Variants in PCDH9 observed in about 807,000 individuals in gnomAD.
The protein encoded by PCDH9 is protocadherin-9.
Under a neutral mutation model 70.6 loss-of-function variants are expected in PCDH9, and 24 were observed. The ratio of observed to expected loss-of-function variants is 0.34; its 90% CI spans 0.25 to 0.48. The LOEUF (loss-of-function observed/expected upper bound fraction) is 0.48, where lower values mean the gene tolerates loss of function less well. Among genes scored for constraint, PCDH9 ranks in the 20% least tolerant of loss-of-function variants. PCDH9 has a pLI of 0.99. For synonymous variants in PCDH9, 562 were observed against 558.5 expected (o/e 1.01, Z -0.09); for missense variants, 1,281 against 1,503.6 (o/e 0.85, Z 2.45).
chr13:66,992,131 T>G (rs1273707283), intron 2 of PCDH9, among the ~76,000 whole-genome samples: 1 of 152,170 alleles, frequency 6.6e-6, no homozygotes, highest in African/African-American at 2.4e-5. Flanking sequence ...GTTTTATGAC[T>G]GGTGACCTAG....
chr13:66,511,430 A>G (rs76029494), intron 4 of PCDH9, among the ~76,000 whole-genome samples: 1,642 of 152,148 alleles, frequency 0.011, 39 homozygotes, highest in East Asian at 0.091. Flanking sequence ...ACCTCATGGG[A>G]TTGTTCAATG....
At position 66,610,502 on chromosome 13, in the gene PCDH9, T is replaced by C. The variant is rs143512169; in HGVS notation, c.3340+20708A>G. Among the ~76,000 whole-genome samples the C allele has an allele frequency of 4.4e-3, 673 of 152,284 alleles. 3 individuals are homozygous for C. Among genetic ancestry groups the C allele is most frequent in the African/African-American group, 0.015 (609 of 41,558 alleles). On this transcript the variant is annotated intron_variant, in intron 4 of 4. Transcript: ENST00000377865. ...AGCAAGATATAAAATTGATAGAATA[T>C]AGGCCAATTTCTCTTTCCTCTTTAT...
At chr13:67,171,746 G>T (rs890776084) in intron 2 of PCDH9, among the ~76,000 whole-genome samples, 1 of 152,140 alleles carries the variant, frequency 6.6e-6, no homozygotes, top group African/African-American at 2.4e-5. Context: ...TGAGGCGATT[G>T]AACCTGAGTT....
chr13:67,015,253 C>T (rs924041526), intron 2 of PCDH9, among the ~76,000 whole-genome samples: 1 of 152,110 alleles, frequency 6.6e-6, no homozygotes, highest in African/African-American at 2.4e-5. Context: ...GACAGGCTCA[C>T]TGGCTTCTGT....
chr13:66,986,332 T>G (rs192533926), intron 2 of PCDH9, among the ~76,000 whole-genome samples: 1 of 151,976 alleles, frequency 6.6e-6, no homozygotes, highest in Admixed American at 6.6e-5. Context: ...AAGATGAGAT[T>G]TGGGTGGGGA....
chr13:66,751,676 T>C (rs1045644431), intron 3 of PCDH9, among the ~76,000 whole-genome samples: 1 of 152,224 alleles, frequency 6.6e-6, no homozygotes. Flanking sequence ...GTCCCAGCAC[T>C]AATAAGGTAG....
At chr13:66,607,040 A>T (rs2077230227) in intron 4 of PCDH9, among the ~76,000 whole-genome samples, 1 of 152,102 alleles carries the variant, frequency 6.6e-6, no homozygotes. Flanking sequence ...TCCAAAATTG[A>T]CTGGCTTTCA....
intron 2 of PCDH9, among the ~76,000 whole-genome samples, chr13:66,946,115 A>G (rs1271077775): frequency 6.6e-6 from 1 of 152,066 alleles, no homozygotes; most frequent in Non-Finnish European, 1.5e-5. Flanking sequence ...TATTGACTAT[A>G]TATATTTCTT....
chr13:66,427,898 A>G (rs573849260), intron 4 of PCDH9, among the ~76,000 whole-genome samples: 18 of 151,906 alleles, frequency 1.2e-4, no homozygotes, highest in African/African-American at 4.3e-4. Flanking sequence ...AATTAATGGA[A>G]CTAAATAAAA....
At chr13:67,057,364 C>T (rs1183287744) in intron 2 of PCDH9, among the ~76,000 whole-genome samples, 1 of 151,656 alleles carries the variant, frequency 6.6e-6, no homozygotes, top group Admixed American at 6.6e-5. Flanking sequence ...AGAAGCATGA[C>T]CTTTAGTCTC....
intron 4 of PCDH9, among the ~76,000 whole-genome samples, chr13:66,406,112 T>C (rs907786863): frequency 2.0e-5 from 3 of 152,288 alleles, no homozygotes; most frequent in East Asian, 1.9e-4. Flanking sequence ...AGGTACAATT[T>C]GTTTCTCTCT....
At chr13:66,573,105 C>A (rs1366650830) in intron 4 of PCDH9, among the ~76,000 whole-genome samples, 1 of 152,032 alleles carries the variant, frequency 6.6e-6, no homozygotes, top group East Asian at 1.9e-4. Context: ...TACTCTTTAT[C>A]TTTTTGATGG....
intron 2 of PCDH9, among the ~76,000 whole-genome samples, chr13:66,943,122 C>T (rs766197032): frequency 1.4e-4 from 21 of 152,152 alleles, no homozygotes; most frequent in South Asian, 6.2e-4. Context: ...CTTCATAGAG[C>T]ATTTGCAAAA....
At chr13:66,484,270 C>T (rs745672788) in intron 4 of PCDH9, among the ~76,000 whole-genome samples, 8 of 152,196 alleles carry the variant, frequency 5.3e-5, no homozygotes, top group Non-Finnish European at 7.4e-5. Flanking sequence ...TAAGAGAGCA[C>T]CTTGAGACAC....
At chr13:66,768,542 A>C (rs1055069081) in intron 3 of PCDH9, among the ~76,000 whole-genome samples, 1 of 152,086 alleles carries the variant, frequency 6.6e-6, no homozygotes, top group Admixed American at 6.6e-5. Flanking sequence ...TTCTGAATCT[A>C]ATGAGAAAGT....
At position 66,568,521 on chromosome 13, in the gene PCDH9, A is replaced by T. The variant is rs1043847627; in HGVS notation, c.3340+62689T>A. 1.3e-5 allele frequency among the ~76,000 whole-genome samples: 2 copies of T among 151,582 alleles called. 1 individual carries two copies. Among genetic ancestry groups the T allele is most frequent in the Admixed American group, 1.3e-4 (2 of 15,194 alleles). Reference sequence around the variant, plus strand: ...ACATAGTGAGACTTTACAAAAAAAAAAAAAAGAAAGAAAGAAAGTAGCTAG... The same window carrying T: ...ACATAGTGAGACTTTACAAAAAAAATAAAAAGAAAGAAAGAAAGTAGCTAG... On this transcript the variant is annotated intron_variant, in intron 4 of 4. Transcript: ENST00000377865.
At position 66,709,918 on chromosome 13, in the gene PCDH9, G is replaced by A. The variant is rs547529278; in HGVS notation, c.3139-78507C>T. Among the ~76,000 whole-genome samples, 9 of 152,026 alleles carry A rather than the reference G, an allele frequency of 5.9e-5. No homozygotes were observed. The East Asian group carries it at 1.5e-3, about 26-fold the overall frequency. On this transcript the variant is annotated intron_variant, in intron 3 of 4. Coordinates refer to ENST00000377865, the MANE Select transcript of PCDH9 (RefSeq NM_203487.3). ...TTTAGGAGAAGGATGAACTAGACAA[G>A]GTCTAGACTGTCAGCAAAAGAAGTA...
At chr13:66,891,335 T>A (rs1319548777) in intron 3 of PCDH9, among the ~76,000 whole-genome samples, 10 of 152,122 alleles carry the variant, frequency 6.6e-5, no homozygotes, top group Non-Finnish European at 1.5e-4. Flanking sequence ...TGGTTCTTGC[T>A]TTTTCCTTTC....
chr13:67,020,225 C>T (rs183612389), intron 2 of PCDH9, among the ~76,000 whole-genome samples: 167 of 152,214 alleles, frequency 1.1e-3, no homozygotes, highest in Non-Finnish European at 2.1e-3. Context: ...ACAACAAAAG[C>T]TTTTATTAAT....
Sources: allele counts gnomAD v4.1 joint callset (sites outside exome capture counted in the v4.1 genomes callset), GRCh38; gene constraint gnomAD v4.1.1; transcripts MANE v1.5; gene names NCBI Gene and HGNC (gene_info 2026-07-23, HGNC 2026-07-21).